The following RPS6KC1 variants were observed in gnomAD, a reference collection of about 807,000 sequenced individuals.
RPS6KC1 encodes ribosomal protein S6 kinase C1.
In RPS6KC1, 54 loss-of-function variants were observed where a neutral mutation model predicts 103.8. The observed-to-expected ratio is 0.52, with a 90% CI of 0.42 to 0.65. The LOEUF (loss-of-function observed/expected upper bound fraction) is 0.65. Among genes scored for constraint, RPS6KC1 ranks in the 30% least tolerant of loss-of-function variants. RPS6KC1 has a pLI of 0.00. For synonymous variants in RPS6KC1, 439 were observed against 438.7 expected (o/e 1.00, Z -0.01); for missense variants, 1,151 against 1,253.8 (o/e 0.92, Z 1.24).
the RPS6KC1 span, among the ~76,000 whole-genome samples, chr1:213,665,964 T>C: frequency 6.6e-6 from 1 of 152,198 alleles, no homozygotes; most frequent in Non-Finnish European, 1.5e-5. Flanking sequence ...ATAAAAACTT[T>C]TAATAGACAA....
the RPS6KC1 span, among the ~76,000 whole-genome samples, chr1:213,838,432 C>G: frequency 6.6e-6 from 1 of 152,174 alleles, no homozygotes; most frequent in Admixed American, 6.5e-5. Flanking sequence ...CATCTTCTTT[C>G]CCTGAGCAAA....
At chr1:213,529,793 G>A in the RPS6KC1 span, among the ~76,000 whole-genome samples, 1 of 152,088 alleles carries the variant, frequency 6.6e-6, no homozygotes, top group Non-Finnish European at 1.5e-5. Flanking sequence ...CCCTGGCATG[G>A]GACTCACAGT....
chr1:213,787,629 T>G, the RPS6KC1 span, among the ~76,000 whole-genome samples: 2 of 152,114 alleles, frequency 1.3e-5, no homozygotes, highest in Non-Finnish European at 2.9e-5. Context: ...CTCGGTGATC[T>G]GGTTGATAGC....
the RPS6KC1 span, among the ~76,000 whole-genome samples, chr1:213,346,776 C>G: frequency 6.6e-6 from 1 of 152,140 alleles, no homozygotes; most frequent in Non-Finnish European, 1.5e-5. Context: ...TATCTGAACT[C>G]TTATGCTTCT....
intron 12 of RPS6KC1, among the ~76,000 whole-genome samples, chr1:213,260,479 A>G (rs1392954474): frequency 3.3e-5 from 5 of 152,146 alleles, no homozygotes; most frequent in Admixed American, 2.6e-4. Flanking sequence ...TGCTCAAGCT[A>G]TTTTGTAAGT....
the RPS6KC1 span, among the ~76,000 whole-genome samples, chr1:213,389,455 G>A: frequency 3.4e-4 from 52 of 152,218 alleles, no homozygotes; most frequent in African/African-American, 1.1e-3. Flanking sequence ...GCGGGCTTGC[G>A]GCGGATTTAT....
intron 8 of RPS6KC1, among the ~76,000 whole-genome samples, chr1:213,186,494 G>A (rs974917578): frequency 9.2e-5 from 14 of 151,836 alleles, no homozygotes; most frequent in African/African-American, 3.4e-4. Flanking sequence ...CTTTTCTCTT[G>A]TTGTTTTTAG....
the RPS6KC1 span, among the ~76,000 whole-genome samples, chr1:213,554,504 G>A: frequency 7.9e-5 from 12 of 152,064 alleles, no homozygotes; most frequent in Non-Finnish European, 4.4e-5. Context: ...GGCTATTTGG[G>A]CACTTTTCTT....
the RPS6KC1 span, among the ~76,000 whole-genome samples, chr1:213,841,692 A>G: frequency 1.3e-5 from 2 of 152,190 alleles, no homozygotes; most frequent in East Asian, 3.8e-4. Flanking sequence ...TGGAGGGGGA[A>G]TTGTCCAATT....
the RPS6KC1 span, among the ~76,000 whole-genome samples, chr1:213,462,751 C>G: frequency 6.6e-6 from 1 of 152,042 alleles, no homozygotes; most frequent in African/African-American, 2.4e-5. Flanking sequence ...GGCCTGTTGG[C>G]GGGTGGTTGA....
At chr1:213,798,199 A>G in the RPS6KC1 span, among the ~76,000 whole-genome samples, 499 of 152,336 alleles carry the variant, frequency 3.3e-3, 2 homozygotes, top group African/African-American at 0.012. Flanking sequence ...GGAAGCCCAT[A>G]AAAGTACGGA....
At chr1:213,727,733 G>T in the RPS6KC1 span, among the ~76,000 whole-genome samples, 1 of 152,162 alleles carries the variant, frequency 6.6e-6, no homozygotes, top group South Asian at 2.1e-4. Flanking sequence ...AAAATTAAAA[G>T]AGATTTTCAA....
the RPS6KC1 span, among the ~76,000 whole-genome samples, chr1:213,772,896 G>A: frequency 6.6e-6 from 1 of 152,274 alleles, no homozygotes; most frequent in South Asian, 2.1e-4. Flanking sequence ...TGCCGTCAGC[G>A]GCCAGTTCTC....
At chr1:213,683,044 T>C in the RPS6KC1 span, among the ~76,000 whole-genome samples, 15,874 of 152,266 alleles carry the variant, frequency 0.1, 1,533 homozygotes, top group African/African-American at 0.26. Context: ...TTAACCATTA[T>C]TGAACAATTA....
At chr1:213,825,756 T>C in the RPS6KC1 span, among the ~76,000 whole-genome samples, 1 of 152,224 alleles carries the variant, frequency 6.6e-6, no homozygotes, top group African/African-American at 2.4e-5. Context: ...AAATGATTTC[T>C]AAGGTCCTAT....
intron 4 of RPS6KC1, among the ~76,000 whole-genome samples, chr1:213,114,991 C>G (rs1233266466): frequency 1.3e-5 from 2 of 152,152 alleles, no homozygotes; most frequent in Non-Finnish European, 2.9e-5. Flanking sequence ...CAATGTTCAT[C>G]AAGGATATTG....
chr1:213,460,877 G>T, the RPS6KC1 span, among the ~76,000 whole-genome samples: 19 of 152,052 alleles, frequency 1.2e-4, no homozygotes, highest in Non-Finnish European at 2.5e-4. Flanking sequence ...TGAAATTCTG[G>T]GTTGAAAACT....
intron 6 of RPS6KC1, among the ~76,000 whole-genome samples, chr1:213,152,688 CG>C (rs2089335142): frequency 6.6e-6 from 1 of 151,696 alleles, no homozygotes; most frequent in Admixed American, 6.6e-5. Flanking sequence ...TGATGGCGGC[CG>C]GGCAGAGGTG....
At chr1:213,678,897 C>G in the RPS6KC1 span, among the ~76,000 whole-genome samples, 1 of 152,328 alleles carries the variant, frequency 6.6e-6, no homozygotes, top group Admixed American at 6.5e-5. Context: ...CATTTTGTCA[C>G]CTGTAAATCT....
Sources: allele counts gnomAD v4.1 joint callset (sites outside exome capture counted in the v4.1 genomes callset), GRCh38; gene constraint gnomAD v4.1.1; transcripts MANE v1.5; gene names NCBI Gene and HGNC (gene_info 2026-07-23, HGNC 2026-07-21).